WDR17: variants seen among roughly 807,000 people sequenced by gnomAD.
WDR17 encodes the protein WD repeat domain 17, also known as WD repeat-containing protein 17.
Under a neutral mutation model 161.7 loss-of-function variants are expected in WDR17, and 143 were observed. The observed-to-expected ratio is 0.88, with a 90% CI of 0.77 to 1.02. The LOEUF (loss-of-function observed/expected upper bound fraction) is 1.02, where lower values mean the gene tolerates loss of function less well. Among genes scored for constraint, WDR17 ranks in the 50% least tolerant of loss-of-function variants. The pLI is 0.00. For synonymous variants in WDR17, 517 were observed against 515.6 expected, an observed-to-expected ratio of 1.00 and a Z score of -0.04; for missense variants, 1,469 against 1,520.9, an observed-to-expected ratio of 0.97 and a Z score of 0.57.
intron 7 of WDR17, among the ~76,000 whole-genome samples, chr4:176,134,225 T>C (rs1744014723): frequency 6.6e-6 from 1 of 151,772 alleles, no homozygotes; most frequent in African/African-American, 2.4e-5. Context: ...CACAGAGTTT[T>C]AAGGACTTTC....
chr4:176,092,172 G>A (rs529538229), intron 1 of WDR17, among the ~76,000 whole-genome samples: 15 of 152,190 alleles, frequency 9.9e-5, no homozygotes, highest in Non-Finnish European at 1.6e-4. Context: ...CAGTGTTTCC[G>A]ATGAATATTG....
chr4:176,172,644 A>T, intron 24 of WDR17, 128 bp downstream of exon 24: 1 of 854,176 alleles, frequency 1.2e-6, no homozygotes, highest in Non-Finnish European at 1.8e-6. Flanking sequence ...GTAATTTATA[A>T]AGAAAGTAGA....
At chr4:176,074,204 A>G (rs965577857) in intron 1 of WDR17, among the ~76,000 whole-genome samples, 4 of 151,178 alleles carry the variant, frequency 2.6e-5, no homozygotes, top group African/African-American at 9.7e-5. Context: ...GGTATTGCCT[A>G]AGTTTTCTTC....
intron 1 of WDR17, among the ~76,000 whole-genome samples, chr4:176,106,222 CA>C (rs1244962520): frequency 6.6e-6 from 1 of 151,858 alleles, no homozygotes; most frequent in Non-Finnish European, 1.5e-5. Context: ...AGTGTCATAC[CA>C]GCATAAAGGC....
intron 1 of WDR17, among the ~76,000 whole-genome samples, chr4:176,079,844 G>T (rs921487436): frequency 1.3e-5 from 2 of 152,004 alleles, no homozygotes; most frequent in African/African-American, 2.4e-5. Context: ...CACAAGGCGA[G>T]GGGGGGTGAG....
chr4:176,136,263 A>C (rs1163750398), intron 8 of WDR17, among the ~76,000 whole-genome samples: 7 of 151,612 alleles, frequency 4.6e-5, no homozygotes, highest in African/African-American at 1.7e-4. Context: ...GCAGAACATA[A>C]CTGAGCCTAT....
At chr4:176,106,926 G>GA (rs1185582721) in intron 1 of WDR17, among the ~76,000 whole-genome samples, 2 of 152,096 alleles carry the variant, frequency 1.3e-5, no homozygotes, top group Non-Finnish European at 2.9e-5. Flanking sequence ...ACTCCGGAAG[G>GA]AAACCTGTCT....
chr4:176,174,759 TTC>T (rs757847538), intron 26 of WDR17, 41 bp downstream of exon 26: 1 of 1,302,948 alleles, frequency 7.7e-7, no homozygotes, highest in Non-Finnish European at 1.1e-6. Flanking sequence ...TTAGAGCAAT[TTC>T]TCTTGCTAAG....
intron 1 of WDR17, among the ~76,000 whole-genome samples, chr4:176,089,676 A>G (rs777102958): frequency 1.3e-5 from 2 of 152,054 alleles, no homozygotes; most frequent in African/African-American, 4.8e-5. Flanking sequence ...ATGAGTGTTG[A>G]GTGAGAGAGC....
At chr4:176,121,106 C>T (rs532113545) in intron 4 of WDR17, among the ~76,000 whole-genome samples, 1 of 152,252 alleles carries the variant, frequency 6.6e-6, no homozygotes, top group East Asian at 1.9e-4. Context: ...GTTGTTCCTT[C>T]TGGTTGTACC....
chr4:176,179,069 G>C (rs111906125), intron 28 of WDR17, among the ~76,000 whole-genome samples: 2 of 152,194 alleles, frequency 1.3e-5, no homozygotes, highest in East Asian at 3.9e-4. Context: ...CAGCTGTATC[G>C]ACATAGGCTA....
At chr4:176,110,662 A>G (rs1739558369) in intron 1 of WDR17, among the ~76,000 whole-genome samples, 2 of 152,288 alleles carry the variant, frequency 1.3e-5, no homozygotes, top group South Asian at 4.1e-4. Context: ...GTTCTCCAGT[A>G]TCTTAGAGGA....
intron 1 of WDR17, among the ~76,000 whole-genome samples, chr4:176,106,965 A>G (rs1206307613): frequency 6.6e-6 from 1 of 152,152 alleles, no homozygotes; most frequent in African/African-American, 2.4e-5. Context: ...GAAGAAGGAA[A>G]GAAAAACCCT....
chr4:176,150,517 G>A lies in WDR17; in HGVS notation c.2228G>A (p.Gly743Glu). 1 of 1,612,270 alleles carries A rather than the reference G, an allele frequency of 6.2e-7. No individual in the cohort carries two copies. Among genetic ancestry groups the A allele is most frequent in the South Asian group, 1.1e-5 (1 of 90,518 alleles). The change falls in exon 16 of 29, where the codon GGA becomes GAA. Residue 743 changes from glycine (G) to glutamate (E), a missense_variant. Gly to Glu is a moderately conservative substitution (Grantham distance 98). Transcript: ENST00000508596. ...TGGAACTTGGTTGCTGTGATAAAAGGACAGGATGATAGCTTACTTCCTCAG... is the reference window on the plus strand; with the variant it reads ...TGGAACTTGGTTGCTGTGATAAAAGAACAGGATGATAGCTTACTTCCTCAG... ...NLWNLVAVIKGQDDSLLPQNY... is the reference protein window; with the variant it reads ...NLWNLVAVIKEQDDSLLPQNY...
At position 176,150,152 on chromosome 4, in the gene WDR17, A is replaced by G. The variant is rs1341551923; in HGVS notation, c.2157A>G (p.Arg719=). Residue 719 remains arginine (R), a synonymous_variant, in exon 15 of 29, where the codon AGA becomes AGG. Transcript: ENST00000508596. The stretch of plus-strand genomic sequence containing the variant: ...CTAATTCTCAAGTGAAAAAACTAAG[A>G]TGGTTCTCAGAATGTTTATCTGTAA... ...LTANSQVKKL[R]WFSECLSPPG... The G allele has an allele frequency of 3.7e-6, 6 of 1,613,344 alleles. No homozygotes were observed. In the Admixed American group the frequency reaches 5.0e-5, roughly 13 times the overall value.
intron 22 of WDR17, among the ~76,000 whole-genome samples, chr4:176,164,283 C>T (rs1048852968): frequency 6.6e-6 from 1 of 152,180 alleles, no homozygotes; most frequent in Admixed American, 6.5e-5. Flanking sequence ...AGTTTGCATT[C>T]TTAGCTGTCA....
rs1745926780 is a variant in WDR17, at chr4:176,144,945, G to T, written c.1530-1050G>T. ...ATATGCAAATTATATTTTCCCAAAT[G>T]TAGAAACTGTCTTGTTTATCAGTGG... On this transcript the variant is annotated intron_variant, in intron 11 of 28. Transcript: ENST00000508596. Among the ~76,000 whole-genome samples the T allele has an allele frequency of 4.6e-5, 7 of 151,998 alleles. No individual in the cohort carries two copies. In the South Asian group the frequency reaches 1.4e-3, roughly 31 times the overall value.
intron 28 of WDR17, among the ~76,000 whole-genome samples, chr4:176,177,874 A>C (rs956251247): frequency 1.3e-5 from 2 of 151,670 alleles, no homozygotes; most frequent in African/African-American, 4.9e-5. Flanking sequence ...TTACCACAGA[A>C]GCAATTCATG....
At chr4:176,135,331 T>A in intron 8 of WDR17, 55 bp downstream of exon 8, 1 of 1,574,822 alleles carries the variant, frequency 6.3e-7, no homozygotes, top group Admixed American at 1.7e-5. Context: ...TTTAAAGTTT[T>A]ATTTTCATTT....
Sources: allele counts gnomAD v4.1 joint callset (sites outside exome capture counted in the v4.1 genomes callset), GRCh38; gene constraint gnomAD v4.1.1; transcripts MANE v1.5; gene names NCBI Gene and HGNC (gene_info 2026-07-23, HGNC 2026-07-21).